Variants in SMYD3 observed in about 807,000 individuals in gnomAD.
The protein encoded by SMYD3 is SET and MYND domain containing 3.
A neutral mutation model predicts 57.7 loss-of-function variants in SMYD3; 36 were observed. That is an observed-to-expected ratio of 0.62 (90% CI 0.48 to 0.82). SMYD3 has a LOEUF of 0.82. Among genes scored for constraint, SMYD3 ranks in the 40% least tolerant of loss-of-function variants. The pLI, the probability that SMYD3 is intolerant of heterozygous loss-of-function variation, is 0.00. For synonymous variants in SMYD3, 211 were observed against 195.0 expected (o/e 1.08, Z -0.68); for missense variants, 515 against 538.8 (o/e 0.96, Z 0.44).
Position 246,344,021 on chromosome 1 carries a change from AATGTATCC to A in SMYD3, c.229-8555_229-8548del, listed in dbSNP as rs532722703. ...CAAAAACCACAGTTACGTATAATAA[AATGTATCC>A]ATTTTAACAGTATAGTTTGATAAAT... On this transcript the variant is annotated intron_variant, in intron 2 of 11. Coordinates refer to ENST00000490107, the MANE Select transcript of SMYD3 (RefSeq NM_001167740.2). 3.2e-3 allele frequency among the ~76,000 whole-genome samples: 494 copies of A among 152,306 alleles called. 1 individual carries two copies. The highest frequency in any genetic ancestry group is 5.5e-3 in the Non-Finnish European group (372 of 68,028).
intron 2 of SMYD3, among the ~76,000 whole-genome samples, chr1:246,342,139 G>A (rs182508501): frequency 5.3e-5 from 8 of 152,300 alleles, no homozygotes; most frequent in Non-Finnish European, 1.0e-4. Flanking sequence ...TAAGGATGAA[G>A]AAGCTGTCTT....
intron 10 of SMYD3, among the ~76,000 whole-genome samples, chr1:245,816,852 C>T (rs567964272): frequency 1.5e-4 from 23 of 152,176 alleles, no homozygotes; most frequent in Middle Eastern, 3.4e-3. Flanking sequence ...GCCTAAAAAA[C>T]GGCGCACCAC....
At chr1:246,278,820 T>C (rs757311846) in intron 5 of SMYD3, among the ~76,000 whole-genome samples, 8 of 152,180 alleles carry the variant, frequency 5.3e-5, no homozygotes, top group Non-Finnish European at 1.2e-4. Flanking sequence ...TAATTCATTA[T>C]ACAAAATAAA....
At chr1:246,209,763 T>C (rs1430944889) in intron 5 of SMYD3, among the ~76,000 whole-genome samples, 4 of 152,138 alleles carry the variant, frequency 2.6e-5, no homozygotes, top group South Asian at 2.1e-4. Flanking sequence ...CAAGCAGTGA[T>C]GGGGGGCTAC....
At chr1:245,822,066 T>A (rs1258512267) in intron 10 of SMYD3, among the ~76,000 whole-genome samples, 4 of 152,186 alleles carry the variant, frequency 2.6e-5, no homozygotes, top group African/African-American at 4.8e-5. Context: ...CAAAGGATTA[T>A]AAATCATGCT....
chr1:246,464,449 G>A (rs901100519), intron 1 of SMYD3, among the ~76,000 whole-genome samples: 8 of 152,136 alleles, frequency 5.3e-5, no homozygotes, highest in African/African-American at 1.2e-4. Flanking sequence ...CCCAGGAGGC[G>A]GAGGTTGCAG....
intron 5 of SMYD3, among the ~76,000 whole-genome samples, chr1:246,317,741 A>G (rs1013381718): frequency 1.3e-5 from 2 of 152,178 alleles, no homozygotes; most frequent in African/African-American, 4.8e-5. Flanking sequence ...GATATATATA[A>G]TTTTTATTTG....
At chr1:246,011,778 C>T (rs1572889029) in intron 5 of SMYD3, among the ~76,000 whole-genome samples, 1 of 152,322 alleles carries the variant, frequency 6.6e-6, no homozygotes, top group South Asian at 2.1e-4. Context: ...TGCATGATCA[C>T]ACACAAACTC....
intron 1 of SMYD3, among the ~76,000 whole-genome samples, chr1:246,441,942 G>C (rs899176175): frequency 3.9e-5 from 6 of 152,170 alleles, no homozygotes; most frequent in African/African-American, 1.4e-4. Context: ...TGATGTTCAT[G>C]TATCTATTCA....
intron 10 of SMYD3, among the ~76,000 whole-genome samples, chr1:245,793,088 TCAC>T (rs2148193996): frequency 2.4e-5 from 1 of 42,214 alleles, no homozygotes; most frequent in African/African-American, 9.1e-5. Context: ...AGGCGGGTGA[TCAC>T]GAAATCAGGA....
rs1553321353 is a variant in SMYD3, at chr1:245,786,215, G to GGGGT, written c.1077-22067_1077-22066insACCC. Among the ~76,000 whole-genome samples, 151 of 147,202 alleles carry GGGGT rather than the reference G, an allele frequency of 1.0e-3. 7 individuals carry two copies. Among genetic ancestry groups the GGGGT allele is most frequent in the African/African-American group, 3.5e-3 (140 of 39,508 alleles). The stretch of plus-strand genomic sequence containing the variant: ...ACTGAGTTGAGTTGGGGTGTGGACG[G>GGGGT]GGGGGGGATGGTGGCAACAGAATAT... On this transcript the variant is annotated intron_variant, in intron 10 of 11. Coordinates refer to ENST00000490107, the MANE Select transcript of SMYD3 (RefSeq NM_001167740.2).
chr1:245,884,306 G>C (rs1408610322), intron 8 of SMYD3, among the ~76,000 whole-genome samples: 1 of 152,148 alleles, frequency 6.6e-6, no homozygotes, highest in African/African-American at 2.4e-5. Flanking sequence ...GGTAATCGAG[G>C]ATGCAGACAC....
chr1:246,489,640 C>A (rs2068239169), intron 1 of SMYD3, among the ~76,000 whole-genome samples: 1 of 152,106 alleles, frequency 6.6e-6, no homozygotes, highest in African/African-American at 2.4e-5. Context: ...ATCAATAGAT[C>A]AGAAAGCTTC....
chr1:245,933,457 TTAAAC>T (rs568038216), intron 5 of SMYD3, among the ~76,000 whole-genome samples: 12 of 152,350 alleles, frequency 7.9e-5, no homozygotes, highest in African/African-American at 2.6e-4. Context: ...AATTTTTCCT[TTAAAC>T]TAATTGAAAG....
intron 10 of SMYD3, among the ~76,000 whole-genome samples, chr1:245,833,521 G>A (rs1283087982): frequency 6.6e-6 from 1 of 152,184 alleles, no homozygotes; most frequent in Non-Finnish European, 1.5e-5. Context: ...TGCCACAGAA[G>A]TAAAGTACCC....
At chr1:246,201,291 G>T (rs937104699) in intron 5 of SMYD3, among the ~76,000 whole-genome samples, 1 of 152,082 alleles carries the variant, frequency 6.6e-6, no homozygotes, top group African/African-American at 2.4e-5. Context: ...AATCCCTAAT[G>T]GCAGTCAACC....
At chr1:246,206,294 T>C (rs773643396) in intron 5 of SMYD3, among the ~76,000 whole-genome samples, 6 of 152,068 alleles carry the variant, frequency 3.9e-5, no homozygotes, top group Non-Finnish European at 7.4e-5. Context: ...GAAACCTACA[T>C]TGAAATCTAT....
intron 10 of SMYD3, among the ~76,000 whole-genome samples, chr1:245,817,305 A>G (rs550081565): frequency 3.5e-5 from 5 of 143,458 alleles, no homozygotes; most frequent in South Asian, 2.2e-4. Context: ...CTCACATGGC[A>G]GGGTATTCCA....
chr1:246,409,808 G>A (rs929020445), intron 1 of SMYD3, among the ~76,000 whole-genome samples: 1 of 152,184 alleles, frequency 6.6e-6, no homozygotes, highest in African/African-American at 2.4e-5. Context: ...CTACCCATGA[G>A]CATGGAATGT....
Sources: gnomAD v4.1 joint callset for allele counts (sites outside exome capture counted in the v4.1 genomes callset) on GRCh38, gnomAD v4.1.1 for gene constraint, MANE v1.5 for transcripts, NCBI Gene and HGNC (gene_info 2026-07-23, HGNC 2026-07-21) for gene names.